The following CNMD variants were observed in gnomAD, a reference collection of about 807,000 sequenced individuals.
CNMD encodes leukocyte cell-derived chemotaxin 1.
In CNMD, 30 loss-of-function variants were observed where a neutral mutation model predicts 37.5. That is an observed-to-expected ratio of 0.80 (90% confidence interval 0.60 to 1.09). CNMD has a LOEUF of 1.09. Among genes scored for constraint, CNMD ranks in the 50% least tolerant of loss-of-function variants. The pLI, the probability that CNMD is intolerant of heterozygous loss-of-function variation, is 0.00. For synonymous variants in CNMD, 167 were observed against 148.2 expected, an observed-to-expected ratio of 1.13 and a Z score of -0.92; for missense variants, 398 against 423.9, an observed-to-expected ratio of 0.94 and a Z score of 0.54.
intron 5 of CNMD, 147 bp from the exon 6 acceptor site, chr13:52,708,849 A>G (rs1964243529): frequency 1.6e-6 from 1 of 621,486 alleles, no homozygotes; most frequent in Non-Finnish European, 2.8e-6. Context: ...TGTTTGTAGT[A>G]ATAAAACATG....
chr13:52,705,794 C>T (rs1461964498), intron 6 of CNMD, among the ~76,000 whole-genome samples: 3 of 152,028 alleles, frequency 2.0e-5, no homozygotes, highest in Non-Finnish European at 4.4e-5. Context: ...AGACTGGATC[C>T]AAGGCAAAGT....
intron 4 of CNMD, among the ~76,000 whole-genome samples, chr13:52,721,193 T>G (rs1250470986): frequency 1.3e-5 from 2 of 152,206 alleles, no homozygotes; most frequent in Non-Finnish European, 2.9e-5. Context: ...ACTGCTGTGC[T>G]GGCAGCGAGA....
At chr13:52,717,134 T>TTGGC (rs1363535820) in intron 4 of CNMD, among the ~76,000 whole-genome samples, 1 of 152,198 alleles carries the variant, frequency 6.6e-6, no homozygotes, top group African/African-American at 2.4e-5. Flanking sequence ...CCCTCATGAT[T>TTGGC]TGGCTCTCTG....
chr13:52,739,718 G>A lies in CNMD; in HGVS notation c.-17C>T. On this transcript the variant is annotated 5_prime_UTR_variant, in exon 1 of 7. Transcript: ENST00000377962. This position sits in a 1 kb window ranked among gnomAD's most constrained non-coding sequence, Gnocchi z 5.4. ...CTCTGTCATGTTTGCGGCGGGAGGA[G>A]TGAGGCACTTGGAGACTCCCTGGGC... is the stretch of plus-strand genomic sequence containing the variant. 6.2e-7 allele frequency: 1 copy of A among 1,612,726 alleles called. No homozygotes were observed. The highest frequency in any genetic ancestry group is 8.5e-7 in the Non-Finnish European group (1 of 1,178,818).
chr13:52,705,644 AC>A (rs2138213452), intron 6 of CNMD, among the ~76,000 whole-genome samples: 1 of 152,316 alleles, frequency 6.6e-6, no homozygotes, highest in South Asian at 2.1e-4. Context: ...TCATGTTGTT[AC>A]CCTAAGATAT....
chr13:52,711,897 G>A (rs1964295037), intron 5 of CNMD, among the ~76,000 whole-genome samples: 1 of 151,946 alleles, frequency 6.6e-6, no homozygotes, highest in South Asian at 2.1e-4. Context: ...TGCCCACCAA[G>A]CCTAGTGGTT....
At chr13:52,719,418 GTGTT>G (rs1288809597) in intron 4 of CNMD, among the ~76,000 whole-genome samples, 1 of 152,202 alleles carries the variant, frequency 6.6e-6, no homozygotes, top group African/African-American at 2.4e-5. Context: ...TTTCTTCATA[GTGTT>G]GATGGTCTTT....
chr13:52,715,726 C>T (rs1964366873), intron 4 of CNMD, among the ~76,000 whole-genome samples: 1 of 152,164 alleles, frequency 6.6e-6, no homozygotes, highest in South Asian at 2.1e-4. Flanking sequence ...GTACATGTGC[C>T]ACATTTTCTT....
chr13:52,721,056 G>A (rs1314870346), intron 4 of CNMD, among the ~76,000 whole-genome samples: 3 of 152,170 alleles, frequency 2.0e-5, no homozygotes, highest in African/African-American at 7.2e-5. Flanking sequence ...GGAGCTGCTG[G>A]GCTCCACCCA....
chr13:52,718,590 T>G (rs1044328121), intron 4 of CNMD, among the ~76,000 whole-genome samples: 1 of 152,232 alleles, frequency 6.6e-6, no homozygotes, highest in African/African-American at 2.4e-5. Context: ...TGCCTTCATT[T>G]TGTTATTTAC....
At chr13:52,705,898 T>G (rs1175202404) in intron 6 of CNMD, among the ~76,000 whole-genome samples, 1 of 152,234 alleles carries the variant, frequency 6.6e-6, no homozygotes, top group Non-Finnish European at 1.5e-5. Context: ...GTATTAAATT[T>G]TATTTGCCTA....
rs1488046150 is a variant in CNMD, at chr13:52,703,695, C to T, written c.905G>A (p.Gly302Asp). The T allele has an allele frequency of 6.2e-7, 1 of 1,613,936 alleles. No homozygotes were observed. The highest frequency in any genetic ancestry group is 1.7e-5 in the Admixed American group (1 of 60,018). ...HCQKICEPLG[G>D]YYPWPYNYQG... ...ATAATTATAAGGCCATGGGTAATAG[C>T]CCCCCAGGGGTTCACAGATCTTCTG... Residue 302 changes from glycine to aspartate, a missense_variant, in exon 7 of 7, where the codon GGC (glycine) becomes GAC (aspartate). Physicochemically the swap from Gly to Asp is moderately conservative, Grantham distance 94. Coordinates refer to ENST00000377962, the MANE Select transcript of CNMD (RefSeq NM_007015.3).
intron 4 of CNMD, among the ~76,000 whole-genome samples, 189 bp from the exon 5 acceptor site, chr13:52,713,058 C>T (rs1007904921): frequency 1.3e-5 from 2 of 152,130 alleles, no homozygotes; most frequent in African/African-American, 2.4e-5. Context: ...ATATTCAGCA[C>T]GCCTCCTCCT....
intron 2 of CNMD, among the ~76,000 whole-genome samples, chr13:52,736,284 G>A (rs1456322734): frequency 2.0e-5 from 3 of 152,024 alleles, no homozygotes; most frequent in Admixed American, 6.5e-5. Flanking sequence ...GTGAGCCACC[G>A]CGCCCGGCCT....
At chr13:52,705,835 G>A (rs973335225) in intron 6 of CNMD, among the ~76,000 whole-genome samples, 1 of 152,204 alleles carries the variant, frequency 6.6e-6, no homozygotes, top group Non-Finnish European at 1.5e-5. Context: ...AGGGGCTGAT[G>A]CCCTCACCCC....
intron 4 of CNMD, among the ~76,000 whole-genome samples, chr13:52,718,659 A>G (rs1211019667): frequency 6.6e-6 from 1 of 152,128 alleles, no homozygotes; most frequent in Non-Finnish European, 1.5e-5. Flanking sequence ...GTTTTGAGTG[A>G]GTTTCTTAAT....
At chr13:52,737,961 A>G (rs1219415292) in intron 2 of CNMD, among the ~76,000 whole-genome samples, 1 of 152,262 alleles carries the variant, frequency 6.6e-6, no homozygotes, top group South Asian at 2.1e-4. Flanking sequence ...ATGCTTATCT[A>G]CATTAGACAT....
intron 3 of CNMD, among the ~76,000 whole-genome samples, chr13:52,726,855 AC>A (rs1269423733): frequency 2.6e-5 from 4 of 152,220 alleles, no homozygotes; most frequent in Admixed American, 2.6e-4. Flanking sequence ...AATCAGAAAG[AC>A]AATTTAGGAT....
chr13:52,736,517 G>C (rs1035843637), intron 2 of CNMD, among the ~76,000 whole-genome samples: 7 of 152,186 alleles, frequency 4.6e-5, no homozygotes, highest in Non-Finnish European at 7.3e-5. Context: ...GGAGGATGTG[G>C]GGGGAGGAGG....
Sources: gnomAD v4.1 joint callset for allele counts (sites outside exome capture counted in the v4.1 genomes callset) on GRCh38, gnomAD v4.1.1 for gene constraint, Gnocchi (gnomAD v3.1) non-coding constraint, MANE v1.5 for transcripts, NCBI Gene and HGNC (gene_info 2026-07-23, HGNC 2026-07-21) for gene names.